PRKCZ: variants seen among roughly 807,000 people sequenced by gnomAD.
The protein encoded by PRKCZ is protein kinase C zeta, also known as protein kinase C zeta type.
In PRKCZ, 33 loss-of-function variants were observed where a neutral mutation model predicts 79.5. The observed-to-expected ratio is 0.41, with a 90% confidence interval of 0.31 to 0.55. PRKCZ has a LOEUF of 0.55. PRKCZ is among the 20% of genes least tolerant of loss of function. The pLI is 0.19. For missense variants in PRKCZ, 578 were observed against 813.5 expected (o/e 0.71, Z 3.52); for synonymous variants, 342 against 320.9 (o/e 1.07, Z -0.70).
chr1:2,070,268 C>T (rs1463051535), intron 4 of PRKCZ, among the ~76,000 whole-genome samples: 1 of 152,130 alleles, frequency 6.6e-6, no homozygotes, highest in Non-Finnish European at 1.5e-5. Flanking sequence ...CTACATTCCA[C>T]ATTCTGCCCG....
intron 4 of PRKCZ, chr1:2,104,592 G>A (rs1337414369): frequency 4.1e-6 from 3 of 734,156 alleles, no homozygotes; most frequent in African/African-American, 1.9e-5. Flanking sequence ...AATCCCAGGT[G>A]GCAGGGGATG....
At chr1:2,105,381 T>C (rs1390789555) in intron 4 of PRKCZ, among the ~76,000 whole-genome samples, 1 of 152,232 alleles carries the variant, frequency 6.6e-6, no homozygotes, top group Non-Finnish European at 1.5e-5. Context: ...ACTAGGCATT[T>C]GGCCAAGGGT....
intron 4 of PRKCZ, among the ~76,000 whole-genome samples, chr1:2,078,804 T>G (rs1662911739): frequency 6.6e-6 from 1 of 152,106 alleles, no homozygotes; most frequent in Non-Finnish European, 1.5e-5. Flanking sequence ...TGTTGCCTTG[T>G]TCCCGTTCTT....
Position 2,174,723 on chromosome 1 carries a change from G to C in PRKCZ, c.1406-31G>C, listed in dbSNP as rs930284758. The C allele has an allele frequency of 2.3e-5, 37 of 1,603,594 alleles. No homozygotes were observed. The highest frequency in any genetic ancestry group is 2.4e-5 in the Non-Finnish European group (28 of 1,170,894). On this transcript the variant is annotated intron_variant, in intron 14 of 17. Transcript: ENST00000378567. This position sits in a 1 kb window ranked among gnomAD's most constrained non-coding sequence, Gnocchi z 6.2. ...CACTGGGCAAATGGCACACAACACA[G>C]GCAAGTCCTCACCAGGCTCCGCCCT...
Position 2,150,985 on chromosome 1 carries a change from G to A in PRKCZ, c.876+7G>A. 3 of 1,612,864 alleles carry A rather than the reference G, an allele frequency of 1.9e-6. No individual in the cohort carries two copies. The highest frequency in any genetic ancestry group is 2.5e-6 in the Non-Finnish European group (3 of 1,179,828). ...GCTGGTGCATGATGACGAGGTAGGTGCCGCTTCTCATGGGGCCCGGGGGCC... is the reference window on the plus strand; with the variant it reads ...GCTGGTGCATGATGACGAGGTAGGTACCGCTTCTCATGGGGCCCGGGGGCC... On this transcript the variant is annotated splice_region_variant and intron_variant, in intron 9 of 17. Coordinates refer to ENST00000378567, the MANE Select transcript of PRKCZ (RefSeq NM_002744.6).
At chr1:2,107,337 C>T (rs910224891) in intron 4 of PRKCZ, among the ~76,000 whole-genome samples, 10 of 152,238 alleles carry the variant, frequency 6.6e-5, no homozygotes, top group African/African-American at 2.4e-4. Flanking sequence ...TGCTCCAGAC[C>T]TGCTTTTTTC....
chr1:2,108,373 C>G (rs149079865), intron 4 of PRKCZ, among the ~76,000 whole-genome samples: 25 of 152,348 alleles, frequency 1.6e-4, no homozygotes, highest in African/African-American at 5.8e-4. Flanking sequence ...CATTGACCTC[C>G]GTGGCTCCTG....
intron 10 of PRKCZ, among the ~76,000 whole-genome samples, chr1:2,161,189 A>G (rs1238035260): frequency 2.6e-5 from 4 of 152,242 alleles, no homozygotes; most frequent in Non-Finnish European, 5.9e-5. Context: ...TTCTGCCGAC[A>G]CACGGTGACG....
intron 10 of PRKCZ, among the ~76,000 whole-genome samples, chr1:2,164,197 C>G (rs183666810): frequency 1.3e-5 from 2 of 152,300 alleles, no homozygotes; most frequent in Non-Finnish European, 2.9e-5. Flanking sequence ...AGCTACTGCT[C>G]CAGTGATCAA....
intron 3 of PRKCZ, among the ~76,000 whole-genome samples, chr1:2,059,165 T>G (rs1240645825): frequency 6.6e-6 from 1 of 152,236 alleles, no homozygotes; most frequent in African/African-American, 2.4e-5. Flanking sequence ...GTTAAAATAA[T>G]TTTGAACTCT....
intron 4 of PRKCZ, among the ~76,000 whole-genome samples, chr1:2,109,590 G>A (rs935427902): frequency 2.0e-5 from 3 of 152,356 alleles, no homozygotes; most frequent in Admixed American, 6.5e-5. Flanking sequence ...ACACGGGGCC[G>A]AGTGGCTTCA....
intron 4 of PRKCZ, among the ~76,000 whole-genome samples, chr1:2,072,619 G>T (rs550195102): frequency 1.3e-5 from 2 of 152,182 alleles, no homozygotes; most frequent in Admixed American, 1.3e-4. Context: ...CTGGGGGCCC[G>T]TGTAGGAGGT....
At chr1:2,105,272 G>A (rs1668182856) in intron 4 of PRKCZ, among the ~76,000 whole-genome samples, 1 of 152,200 alleles carries the variant, frequency 6.6e-6, no homozygotes, top group African/African-American at 2.4e-5. Flanking sequence ...TGGGGGTGAG[G>A]GCCTGCAGGG....
rs1409485468 is a variant in PRKCZ at position 2,179,781 on chromosome 1, C to CT, written c.1575+4469dup. On this transcript the variant is annotated intron_variant, in intron 16 of 17. Transcript: ENST00000378567. ...GAGGCCCCAGGGAGGAGCAAGGACT[C>CT]TAATGCTTCGTGTGGTGGGAGCCTC... Among the ~76,000 whole-genome samples, 3 of 152,120 alleles carry CT rather than the reference C, an allele frequency of 2.0e-5. No individual in the cohort carries two copies. In the East Asian group the frequency reaches 5.8e-4, roughly 29 times the overall value.
chr1:2,097,925 G>C (rs931693532), intron 4 of PRKCZ, among the ~76,000 whole-genome samples: 5 of 152,248 alleles, frequency 3.3e-5, no homozygotes, highest in Non-Finnish European at 5.9e-5. Flanking sequence ...CTGCTGCTGT[G>C]TGGTTCCCCT....
intron 4 of PRKCZ, among the ~76,000 whole-genome samples, chr1:2,087,495 G>A (rs868862260): frequency 6.6e-5 from 10 of 152,142 alleles, no homozygotes; most frequent in Admixed American, 1.3e-4. Context: ...ACCTGTGGAT[G>A]GCATCCCGAG....
intron 4 of PRKCZ, among the ~76,000 whole-genome samples, chr1:2,133,250 C>T (rs1252735562): frequency 1.3e-5 from 2 of 149,086 alleles, no homozygotes; most frequent in East Asian, 2.0e-4. Context: ...CCCCCAGCTG[C>T]GCGGCCGTCC....
chr1:2,084,167 G>C (rs1413281426), intron 4 of PRKCZ, among the ~76,000 whole-genome samples: 22 of 152,248 alleles, frequency 1.4e-4, no homozygotes, highest in Admixed American at 1.4e-3. Flanking sequence ...TTGGACCTGG[G>C]AGGCGGAGGT....
rs573679795 is a variant in PRKCZ at position 2,135,430 on chromosome 1, C to T, written c.420+83C>T. 132 of 1,305,136 alleles carry T rather than the reference C, an allele frequency of 1.0e-4. 1 individual carries two copies. In the African/African-American group the frequency reaches 1.3e-3, roughly 12 times the overall value. The allele number at this position is 1,305,136 out of a possible 1,614,324, so 80.8% of individuals were successfully genotyped here. ...AAGAGAGAGGAGGGGAGGCACGTCC[C>T]GCTGAGCCCAGGCTGGGCTCTTTTT... is the stretch of plus-strand genomic sequence containing the variant. On this transcript the variant is annotated intron_variant, in intron 5 of 17. Coordinates refer to ENST00000378567, the MANE Select transcript of PRKCZ (RefSeq NM_002744.6).
Sources: gnomAD v4.1 joint callset for allele counts (sites outside exome capture counted in the v4.1 genomes callset) on GRCh38, gnomAD v4.1.1 for gene constraint, Gnocchi (gnomAD v3.1) non-coding constraint, MANE v1.5 for transcripts, NCBI Gene and HGNC (gene_info 2026-07-23, HGNC 2026-07-21) for gene names.